KLF8: variants seen among roughly 807,000 people sequenced by gnomAD.
KLF8 encodes KLF transcription factor 8, also known as Krueppel-like factor 8.
KLF8 carries 10 observed loss-of-function variants against 18.2 expected under a neutral mutation model. The ratio of observed to expected loss-of-function variants is 0.55; its 90% confidence interval spans 0.34 to 0.93. KLF8 has a LOEUF of 0.93. Among genes scored for constraint, KLF8 ranks in the 40% least tolerant of loss-of-function variants. The pLI is 0.02. For missense variants in KLF8, 264 were observed against 277.9 expected (o/e 0.95, Z 0.36); for synonymous variants, 109 against 97.3 (o/e 1.12, Z -0.71).
the KLF8 span, among the ~76,000 whole-genome samples, chrX:56,202,559 T>TCCCC: frequency 2.6e-5 from 2 of 75,806 alleles, no homozygotes; most frequent in Non-Finnish European, 5.3e-5. Context: ...CCATTAACCT[T>TCCCC]CCCCCCCCCT....
chrX:56,052,681 C>G, the KLF8 span, among the ~76,000 whole-genome samples: 5 of 112,071 alleles, frequency 4.5e-5, no homozygotes, highest in African/African-American at 1.6e-4. Flanking sequence ...AGCTGTCAGA[C>G]AGGGACATTT....
At chrX:55,913,632 T>C in the KLF8 span, among the ~76,000 whole-genome samples, 1 of 111,725 alleles carries the variant, frequency 9.0e-6, no homozygotes, top group African/African-American at 3.3e-5. Context: ...GCTGACACCT[T>C]GATTTCATAC....
At chrX:56,161,308 T>C in the KLF8 span, among the ~76,000 whole-genome samples, 11 of 111,805 alleles carry the variant, frequency 9.8e-5, no homozygotes, top group African/African-American at 3.6e-4. Flanking sequence ...CCTTTGAATG[T>C]TGGCCTGCCT....
At chrX:56,092,165 G>C in the KLF8 span, among the ~76,000 whole-genome samples, 1 of 109,972 alleles carries the variant, frequency 9.1e-6, no homozygotes, top group Non-Finnish European at 1.9e-5. Flanking sequence ...TTTTAAATAG[G>C]GTTATTTGTT....
At chrX:56,199,980 GA>G in the KLF8 span, among the ~76,000 whole-genome samples, 1 of 111,088 alleles carries the variant, frequency 9.0e-6, no homozygotes, top group Non-Finnish European at 1.9e-5. Context: ...CTATCGCAAG[GA>G]CAAAAAAACC....
At chrX:56,051,402 G>C in the KLF8 span, among the ~76,000 whole-genome samples, 5 of 110,743 alleles carry the variant, frequency 4.5e-5, no homozygotes, top group East Asian at 1.4e-3. Flanking sequence ...TGCAGCGGCT[G>C]GTGCCGGTTG....
chrX:56,100,780 G>A, the KLF8 span, among the ~76,000 whole-genome samples: 1 of 112,016 alleles, frequency 8.9e-6, no homozygotes, highest in South Asian at 3.7e-4. Flanking sequence ...GCAGTCTTGC[G>A]ATAAAACTTG....
chrX:56,099,794 G>A, the KLF8 span, among the ~76,000 whole-genome samples: 1 of 111,865 alleles, frequency 8.9e-6, no homozygotes, highest in Non-Finnish European at 1.9e-5. Context: ...GAGTGTTGAA[G>A]AGGCTGCAGA....
the KLF8 span, among the ~76,000 whole-genome samples, chrX:56,139,158 G>T: frequency 9.0e-6 from 1 of 111,532 alleles, no homozygotes; most frequent in African/African-American, 3.2e-5. Flanking sequence ...TCAGCAACAA[G>T]ACAAACAAAT....
At chrX:56,144,900 C>T in the KLF8 span, among the ~76,000 whole-genome samples, 3 of 108,263 alleles carry the variant, frequency 2.8e-5, no homozygotes, top group East Asian at 3.0e-4. Flanking sequence ...TCAAGCGATT[C>T]TCCTGCCTTA....
intron 2 of KLF8, among the ~76,000 whole-genome samples, chrX:56,251,503 C>T (rs2066711693): frequency 9.0e-6 from 1 of 110,549 alleles, no homozygotes. Context: ...CGCTTTGTCA[C>T]CCAGGATGGA....
chrX:56,177,663 C>G, the KLF8 span, among the ~76,000 whole-genome samples: 2 of 111,830 alleles, frequency 1.8e-5, no homozygotes, highest in African/African-American at 6.5e-5. Flanking sequence ...GCAGAGGACT[C>G]TGCTGCCTTT....
At chrX:56,058,287 T>TATATATATATATATACATATATATATAC in the KLF8 span, among the ~76,000 whole-genome samples, 1 of 40,531 alleles carries the variant, frequency 2.5e-5, no homozygotes, top group African/African-American at 6.8e-5. Context: ...TACATATATA[T>TATATATATATATATACATATATATATAC]ATATATATAT....
chrX:55,920,808 CTGA>C, the KLF8 span, among the ~76,000 whole-genome samples: 1 of 111,700 alleles, frequency 9.0e-6, no homozygotes, highest in Non-Finnish European at 1.9e-5. Context: ...ATTGGTGTTC[CTGA>C]TGATGAAGAG....
the KLF8 span, among the ~76,000 whole-genome samples, chrX:56,130,703 C>T: frequency 9.0e-6 from 1 of 111,585 alleles, no homozygotes; most frequent in East Asian, 2.8e-4. Context: ...AATTATTAAG[C>T]TAATCAAGGA....
chrX:55,983,247 A>G, the KLF8 span, among the ~76,000 whole-genome samples: 1 of 111,234 alleles, frequency 9.0e-6, no homozygotes, highest in Non-Finnish European at 1.9e-5. Flanking sequence ...TGATGGAATC[A>G]TGTGTATGCA....
the KLF8 span, among the ~76,000 whole-genome samples, chrX:55,956,536 G>C: frequency 9.0e-6 from 1 of 111,495 alleles, no homozygotes; most frequent in African/African-American, 3.3e-5. Context: ...GTGCACAGGG[G>C]TTCCAATTTC....
chrX:56,022,897 G>A, the KLF8 span, among the ~76,000 whole-genome samples: 203 of 111,110 alleles, frequency 1.8e-3, 1 homozygote, highest in Non-Finnish European at 3.3e-3. Context: ...CCATTTGTCA[G>A]AAATAATCAG....
the KLF8 span, among the ~76,000 whole-genome samples, chrX:56,029,546 T>C: frequency 1.8e-5 from 2 of 111,438 alleles, no homozygotes; most frequent in Admixed American, 1.9e-4. Flanking sequence ...AAAAACTTAA[T>C]GTCCTTGACC....
Sources: gnomAD v4.1 joint callset for allele counts (sites outside exome capture counted in the v4.1 genomes callset) on GRCh38, gnomAD v4.1.1 for gene constraint, MANE v1.5 for transcripts, NCBI Gene and HGNC (gene_info 2026-07-23, HGNC 2026-07-21) for gene names.